PKD2L2: variants seen among roughly 807,000 people sequenced by gnomAD.
The protein encoded by PKD2L2 is polycystin-2-like protein 2.
Under a neutral mutation model 83.9 loss-of-function variants are expected in PKD2L2, and 67 were observed. The observed-to-expected ratio is 0.80, with a 90% CI of 0.66 to 0.98. The LOEUF (loss-of-function observed/expected upper bound fraction) is 0.98, where lower values mean the gene tolerates loss of function less well. Among genes scored for constraint, PKD2L2 ranks in the 50% least tolerant of loss-of-function variants. PKD2L2 has a pLI of 0.00. For synonymous variants in PKD2L2, 223 were observed against 237.8 expected, an observed-to-expected ratio of 0.94 and a Z score of 0.57; for missense variants, 632 against 717.2, an observed-to-expected ratio of 0.88 and a Z score of 1.36.
intron 12 of PKD2L2, among the ~76,000 whole-genome samples, chr5:137,929,530 T>A (rs1322206711): frequency 6.7e-3 from 83 of 12,412 alleles, no homozygotes; most frequent in Non-Finnish European, 8.7e-3. Context: ...TAGGACAAAA[T>A]TGCCAAAAAA....
At chr5:137,908,071 T>A (rs551216669) in intron 7 of PKD2L2, among the ~76,000 whole-genome samples, 159 bp downstream of exon 7, 2 of 152,288 alleles carry the variant, frequency 1.3e-5, no homozygotes, top group East Asian at 3.9e-4. Flanking sequence ...TCCTAGCACT[T>A]TGGAAGGCCA....
At position 137,914,487 on chromosome 5, in the gene PKD2L2, G is replaced by A. The variant is rs367854654; in HGVS notation, c.1328+5541G>A. 1.6e-4 allele frequency among the ~76,000 whole-genome samples: 25 copies of A among 152,284 alleles called. No homozygotes were observed. In the East Asian group the frequency reaches 4.0e-3, roughly 25 times the overall value. ...ACCTGTAATGTATAAAAATGCTACT[G>A]TGTGTATCTTGCAACTTAATTCATT... On this transcript the variant is annotated intron_variant, in intron 8 of 14. Coordinates refer to ENST00000508883, the MANE Select transcript of PKD2L2 (RefSeq NM_001300921.2).
At position 137,900,107 on chromosome 5, in the gene PKD2L2, G is replaced by A. The variant is rs80100180; in HGVS notation, c.746+370G>A. ...ACATAAACATATGGCACCATTTGCA[G>A]TCAAGAAAAATGTAAACAAAAGATG... On this transcript the variant is annotated intron_variant, in intron 5 of 14. Coordinates refer to ENST00000508883, the MANE Select transcript of PKD2L2 (RefSeq NM_001300921.2). Among the ~76,000 whole-genome samples, 1,421 of 152,262 alleles carry A rather than the reference G, an allele frequency of 9.3e-3. 15 individuals carry two copies. The highest frequency in any genetic ancestry group is 0.034 in the Middle Eastern group (10 of 292).
chr5:137,928,678 C>T (rs1055210512), intron 12 of PKD2L2, among the ~76,000 whole-genome samples: 7 of 152,354 alleles, frequency 4.6e-5, no homozygotes, highest in South Asian at 2.1e-4. Context: ...GTGATCCACC[C>T]GCCTTGGCCT....
At chr5:137,901,334 G>A (rs187391172) in intron 5 of PKD2L2, among the ~76,000 whole-genome samples, 112 of 152,174 alleles carry the variant, frequency 7.4e-4, no homozygotes, top group Non-Finnish European at 1.4e-3. Context: ...TATAGCAGAC[G>A]TCATTTTGAA....
At chr5:137,897,679 TG>T (rs1339485595) in intron 4 of PKD2L2, among the ~76,000 whole-genome samples, 33 of 152,318 alleles carry the variant, frequency 2.2e-4, no homozygotes, top group Admixed American at 2.2e-3. Flanking sequence ...AGAGATCTGG[TG>T]TAACAGATCT....
chr5:137,923,950 C>G (rs1016698547), intron 10 of PKD2L2, among the ~76,000 whole-genome samples: 2 of 152,198 alleles, frequency 1.3e-5, no homozygotes, highest in African/African-American at 4.8e-5. Context: ...ACACTATCCT[C>G]TCAAGTCACT....
At chr5:137,938,646 A>AC (rs897503573) in intron 14 of PKD2L2, 1 of 150,996 alleles carries the variant, frequency 6.6e-6, no homozygotes, top group Non-Finnish European at 1.5e-5. Flanking sequence ...GTTTTCCCTC[A>AC]CCCCCCACCC....
At chr5:137,906,617 T>C (rs540550621) in intron 6 of PKD2L2, among the ~76,000 whole-genome samples, 183 bp downstream of exon 6, 1 of 152,272 alleles carries the variant, frequency 6.6e-6, no homozygotes, top group Non-Finnish European at 1.5e-5. Context: ...AGATCTATTT[T>C]TTTCTGATTT....
intron 13 of PKD2L2, 27 bp downstream of exon 13, chr5:137,935,936 T>G: frequency 1.6e-6 from 2 of 1,213,368 alleles, no homozygotes; most frequent in South Asian, 2.5e-5. Context: ...ACCAGACTAT[T>G]ATGGGATATC....
intron 9 of PKD2L2, among the ~76,000 whole-genome samples, chr5:137,922,540 C>T (rs1759005414): frequency 6.6e-6 from 1 of 152,108 alleles, no homozygotes; most frequent in South Asian, 2.1e-4. Flanking sequence ...GAGTTCAAGA[C>T]CAGCCTGGGC....
intron 14 of PKD2L2, among the ~76,000 whole-genome samples, chr5:137,936,645 C>T (rs747650947): frequency 5.9e-5 from 9 of 152,240 alleles, no homozygotes; most frequent in East Asian, 3.9e-4. Flanking sequence ...TTAGTAGAGA[C>T]GAGGTTTCAC....
chr5:137,898,108 A>T (rs1295233662), intron 4 of PKD2L2, among the ~76,000 whole-genome samples: 2 of 152,104 alleles, frequency 1.3e-5, no homozygotes, highest in East Asian at 1.9e-4. Context: ...GTGGTATAAC[A>T]GGCATGCGCC....
chr5:137,891,051 A>C (rs778139608), intron 2 of PKD2L2, among the ~76,000 whole-genome samples: 1 of 152,224 alleles, frequency 6.6e-6, no homozygotes, highest in Non-Finnish European at 1.5e-5. Flanking sequence ...TGCTGAGTCA[A>C]TGCAAATAAT....
chr5:137,937,500 G>C (rs769278130), intron 14 of PKD2L2, among the ~76,000 whole-genome samples: 121 of 152,246 alleles, frequency 7.9e-4, no homozygotes, highest in Non-Finnish European at 1.4e-3. Context: ...ATTTTTCTAG[G>C]CTATGTAAGC....
chr5:137,940,679 A>G (rs1292032813), intron 14 of PKD2L2, among the ~76,000 whole-genome samples: 1 of 152,190 alleles, frequency 6.6e-6, no homozygotes, highest in African/African-American at 2.4e-5. Context: ...TGGAGGCTAC[A>G]CTGAGTCATT....
At chr5:137,910,496 G>A (rs1209941801) in intron 8 of PKD2L2, among the ~76,000 whole-genome samples, 1 of 151,954 alleles carries the variant, frequency 6.6e-6, no homozygotes, top group Non-Finnish European at 1.5e-5. Context: ...GGATGGGCCG[G>A]GTGCGATGGT....
chr5:137,900,339 C>T (rs908995522), intron 5 of PKD2L2, among the ~76,000 whole-genome samples: 4 of 152,150 alleles, frequency 2.6e-5, no homozygotes, highest in Admixed American at 1.3e-4. Context: ...TTATAGTTCT[C>T]GTGTGTTTTT....
intron 7 of PKD2L2, among the ~76,000 whole-genome samples, chr5:137,908,162 A>G (rs959480311): frequency 6.6e-6 from 1 of 152,200 alleles, no homozygotes; most frequent in African/African-American, 2.4e-5. Context: ...AAAAAATATT[A>G]ACTGGGTGTG....
Sources: allele counts gnomAD v4.1 joint callset (sites outside exome capture counted in the v4.1 genomes callset), GRCh38; gene constraint gnomAD v4.1.1; transcripts MANE v1.5; gene names NCBI Gene and HGNC (gene_info 2026-07-23, HGNC 2026-07-21).